LAMA3: variants seen among roughly 807,000 people sequenced by gnomAD.
LAMA3 encodes laminin subunit alpha 3, also known as laminin subunit alpha-3.
In LAMA3, 281 loss-of-function variants were observed where a neutral mutation model predicts 402.0. The ratio of observed to expected loss-of-function variants is 0.70; its 90% CI spans 0.63 to 0.77. The LOEUF (loss-of-function observed/expected upper bound fraction) is 0.77, where lower values mean the gene tolerates loss of function less well. Ranked by LOEUF, LAMA3 falls within the 30% of genes least tolerant of loss-of-function variation. The pLI is 0.00. For missense variants in LAMA3, 3,840 were observed against 4,215.5 expected (o/e 0.91, Z 2.47); for synonymous variants, 1,431 against 1,558.4 (o/e 0.92, Z 1.93).
At chr18:23,728,188 C>T (rs2061330411) in intron 2 of LAMA3, among the ~76,000 whole-genome samples, 1 of 152,168 alleles carries the variant, frequency 6.6e-6, no homozygotes, top group South Asian at 2.1e-4. Flanking sequence ...ACAGCCCAAG[C>T]CCTCTTGTGA....
In LAMA3 at chr18:23,903,122, G is replaced by A. The variant is rs902368366; in HGVS notation, c.6315G>A (p.Gln2105=). The stretch of plus-strand genomic sequence containing the variant: ...CGCTGCAGCTGATGGAGAAAAGCCA[G>A]AAGGTAGAGGAAATAGTTGTTCTCT... ...NIALQLMEKS[Q]KEYEKLAASL... Residue 2105 remains glutamine, a synonymous_variant, in exon 49 of 75, where the codon CAG becomes CAA. Coordinates refer to ENST00000313654, the MANE Select transcript of LAMA3 (RefSeq NM_198129.4). 6.4e-7 allele frequency: 1 copy of A among 1,572,184 alleles called. No individual in the cohort carries two copies. Among genetic ancestry groups the A allele is most frequent in the African/African-American group, 1.4e-5 (1 of 74,028 alleles).
chr18:23,781,165 G>C, intron 11 of LAMA3: 2 of 346,082 alleles, frequency 5.8e-6, no homozygotes, highest in East Asian at 1.8e-4. Context: ...GTTTTTCACT[G>C]AATCTCAATA....
At chr18:23,761,307 A>G (rs2061963565) in intron 7 of LAMA3, among the ~76,000 whole-genome samples, 1 of 152,226 alleles carries the variant, frequency 6.6e-6, no homozygotes, top group African/African-American at 2.4e-5. Flanking sequence ...CTTAAAGTCA[A>G]ACAAATATAT....
chr18:23,823,302 G>T (rs945367546), intron 20 of LAMA3, among the ~76,000 whole-genome samples: 1 of 152,222 alleles, frequency 6.6e-6, no homozygotes, highest in African/African-American at 2.4e-5. Context: ...TAAATTGCCA[G>T]CCACAGCTGG....
intron 44 of LAMA3, among the ~76,000 whole-genome samples, chr18:23,895,832 A>G (rs1004393161): frequency 3.3e-5 from 5 of 151,192 alleles, no homozygotes; most frequent in African/African-American, 9.7e-5. Context: ...TTTGGGTGAA[A>G]CTTGCTATTC....
chr18:23,741,538 A>AC (rs2061564050), intron 2 of LAMA3, among the ~76,000 whole-genome samples: 1 of 152,300 alleles, frequency 6.6e-6, no homozygotes, highest in African/African-American at 2.4e-5. Context: ...TTTCAAATGG[A>AC]CACCAACCAC....
chr18:23,772,905 A>G (rs186376928), intron 8 of LAMA3, among the ~76,000 whole-genome samples: 2 of 152,376 alleles, frequency 1.3e-5, no homozygotes, highest in East Asian at 3.9e-4. Context: ...AGGATTAACC[A>G]TGAACTGGAA....
chr18:23,932,041 T>A, intron 65 of LAMA3, 119 bp from the exon 66 acceptor site: 4 of 1,205,278 alleles, frequency 3.3e-6, no homozygotes, highest in Non-Finnish European at 4.9e-6. Flanking sequence ...AAGTCTAGTT[T>A]CACTAGTTAT....
At chr18:23,764,735 A>G (rs963418664) in intron 8 of LAMA3, among the ~76,000 whole-genome samples, 1 of 152,158 alleles carries the variant, frequency 6.6e-6, no homozygotes, top group Non-Finnish European at 1.5e-5. Context: ...TTATTGTGGT[A>G]AAATAGACAT....
At chr18:23,726,806 C>T (rs888354799) in intron 2 of LAMA3, among the ~76,000 whole-genome samples, 6 of 152,006 alleles carry the variant, frequency 3.9e-5, no homozygotes, top group Non-Finnish European at 7.4e-5. Context: ...TTAGTACAGA[C>T]GGGGTTTCAC....
In LAMA3 at chr18:23,939,257, G is replaced by A. The variant is rs1011399129; in HGVS notation, c.8897G>A (p.Ser2966Asn). ...GACACACCAGTGGCCTCCCCAAGGA[G>A]CGTGAAGGTGTGGCAAGATGCTTGC... is the stretch of plus-strand genomic sequence containing the variant. The part of the protein sequence containing the change: ...LQDTPVASPR[S>N]VKVWQDACSP... The change falls in exon 68 of 75, where the codon AGC (serine) becomes AAC (asparagine). Residue 2966 changes from serine to asparagine, a missense_variant. Ser to Asn is a conservative substitution (Grantham distance 46, BLOSUM62 1). Transcript: ENST00000313654. The A allele has an allele frequency of 6.8e-6, 11 of 1,614,108 alleles. No individual in the cohort carries two copies. The highest frequency in any genetic ancestry group is 8.5e-6 in the Non-Finnish European group (10 of 1,180,050).
rs1387068085 is a variant in LAMA3, at chr18:23,916,765, G to C, written c.7923+70G>C. The C allele has an allele frequency of 3.3e-6, 5 of 1,505,376 alleles. No homozygotes were observed. The African/African-American group carries it at 5.5e-5, about 17-fold the overall frequency. 93.3% of individuals were successfully genotyped at this position (1,505,376 alleles called of 1,614,324 possible). On this transcript the variant is annotated intron_variant, in intron 60 of 74. Transcript: ENST00000313654. ...TGTTTAGCAATTTGGAGATAACTGG[G>C]TTGTTATAAATGACCCACTAGATCT...
chr18:23,824,777 T>G (rs1422675229), intron 21 of LAMA3, among the ~76,000 whole-genome samples: 1 of 152,194 alleles, frequency 6.6e-6, no homozygotes, highest in Admixed American at 6.5e-5. Context: ...TTGTATCCTT[T>G]CAGCTAGCTT....
intron 64 of LAMA3, among the ~76,000 whole-genome samples, chr18:23,930,675 A>G (rs1387544063): frequency 2.0e-5 from 3 of 152,072 alleles, no homozygotes; most frequent in African/African-American, 7.2e-5. Context: ...TTGAGCCTGG[A>G]ACAGTGCCAC....
intron 11 of LAMA3, among the ~76,000 whole-genome samples, chr18:23,782,293 C>T (rs896890729): frequency 6.6e-6 from 1 of 152,160 alleles, no homozygotes; most frequent in African/African-American, 2.4e-5. Context: ...CATGGTGGCT[C>T]ACGCTGTAAT....
chr18:23,730,785 A>G, intron 2 of LAMA3, among the ~76,000 whole-genome samples: 1 of 152,272 alleles, frequency 6.6e-6, no homozygotes. Context: ...TACTTAGAAT[A>G]CGCTGTCCGG....
At chr18:23,793,899 G>A (rs2062711803) in intron 12 of LAMA3, among the ~76,000 whole-genome samples, 1 of 152,240 alleles carries the variant, frequency 6.6e-6, no homozygotes, top group Non-Finnish European at 1.5e-5. Flanking sequence ...TCAGGTTGGG[G>A]TTCCCGCAAA....
At chr18:23,703,612 G>A (rs974379516) in intron 1 of LAMA3, among the ~76,000 whole-genome samples, 1 of 151,946 alleles carries the variant, frequency 6.6e-6, no homozygotes, top group Admixed American at 6.6e-5. Context: ...TGCATGTTGT[G>A]CACATGTACC....
In LAMA3 at chr18:23,808,978, T is replaced by C. The variant is rs150729666; in HGVS notation, c.1604-1388T>C. Among the ~76,000 whole-genome samples the C allele has an allele frequency of 8.9e-4, 135 of 152,360 alleles. 3 individuals carry two copies. In the East Asian group the frequency reaches 0.02, roughly 23 times the overall value. On this transcript the variant is annotated intron_variant, in intron 12 of 74. Transcript: ENST00000313654. ...ACCTTGCAAACAAGGTTGTATCTTT[T>C]ACTGTGTACACTACACTGGATAAAA...
Sources: gnomAD v4.1 joint callset for allele counts (sites outside exome capture counted in the v4.1 genomes callset) on GRCh38, gnomAD v4.1.1 for gene constraint, MANE v1.5 for transcripts, NCBI Gene and HGNC (gene_info 2026-07-23, HGNC 2026-07-21) for gene names.